WDR64: variants seen among roughly 807,000 people sequenced by gnomAD.
WDR64 encodes the protein WD repeat-containing protein 64.
A neutral mutation model predicts 139.3 loss-of-function variants in WDR64; 112 were observed. The ratio of observed to expected loss-of-function variants is 0.80; its 90% CI spans 0.69 to 0.94. The LOEUF (loss-of-function observed/expected upper bound fraction) is 0.94, where lower values mean the gene tolerates loss of function less well. Among genes scored for constraint, WDR64 ranks in the 40% least tolerant of loss-of-function variants. The probability of loss-of-function intolerance (pLI) is 0.00; values close to 1 mark genes in which losing one functional copy is unlikely to be tolerated. For missense variants in WDR64, 1,206 were observed against 1,293.1 expected, an observed-to-expected ratio of 0.93 and a Z score of 1.03; for synonymous variants, 444 against 437.7, an observed-to-expected ratio of 1.01 and a Z score of -0.18.
At position 241,683,379 on chromosome 1, in the gene WDR64, A is replaced by C. The variant is rs1666886568; in HGVS notation, c.625-108A>C. The C allele has an allele frequency of 4.0e-6, 4 of 1,005,696 alleles. No homozygotes were observed. In the South Asian group the frequency reaches 6.4e-5, roughly 16 times the overall value. The allele number at this position is 1,005,696 out of a possible 1,614,324, so 62.3% of individuals were successfully genotyped here. A position where few individuals can be genotyped will look rare whatever the true frequency, so the allele number is the denominator to read the frequency against. ...TCAAATTATCTTATAAGATAGGTGT[A>C]TCTACAATAAGAAACAGCGGAAAGT... On this transcript the variant is annotated intron_variant, in intron 6 of 27. Coordinates refer to ENST00000437684, the MANE Select transcript of WDR64 (RefSeq NM_001367482.1).
At chr1:241,689,246 G>A (rs1267486045) in intron 8 of WDR64, among the ~76,000 whole-genome samples, 1 of 151,994 alleles carries the variant, frequency 6.6e-6, no homozygotes, top group South Asian at 2.1e-4. Flanking sequence ...ATCATGTCCA[G>A]CTATCAAGAA....
intron 11 of WDR64, among the ~76,000 whole-genome samples, chr1:241,738,817 C>A (rs2148237909): frequency 6.6e-6 from 1 of 152,186 alleles, no homozygotes; most frequent in Non-Finnish European, 1.5e-5. Flanking sequence ...CTGAAAACAC[C>A]AGGTTATTGC....
chr1:241,683,350 T>A (rs939056181), intron 6 of WDR64, 137 bp from the exon 7 acceptor site: 11 of 792,338 alleles, frequency 1.4e-5, no homozygotes, highest in Non-Finnish European at 2.0e-5. Context: ...AACTGGTTTT[T>A]TTCTCAAATT....
At chr1:241,668,695 G>T (rs1275601241) in intron 2 of WDR64, among the ~76,000 whole-genome samples, 1 of 152,050 alleles carries the variant, frequency 6.6e-6, no homozygotes, top group Non-Finnish European at 1.5e-5. Context: ...CAGATCACAG[G>T]GTCAGGAGGT....
rs114153121 is a variant in WDR64, at chr1:241,694,983, A to C, written c.974+7388A>C. ...AAGTGGTAAGATAAAACATACAGAC[A>C]TAAAGTCAGTGGTATGTTGAAGTCA... On this transcript the variant is annotated intron_variant, in intron 8 of 27. Coordinates refer to ENST00000437684, the MANE Select transcript of WDR64 (RefSeq NM_001367482.1). Among the ~76,000 whole-genome samples, 1,197 of 152,324 alleles carry C rather than the reference A, an allele frequency of 7.9e-3. 12 individuals are homozygous for C. The highest frequency in any genetic ancestry group is 0.028 in the African/African-American group (1,148 of 41,560).
At chr1:241,715,051 A>G (rs7418763) in intron 9 of WDR64, among the ~76,000 whole-genome samples, 75,368 of 151,906 alleles carry the variant, frequency 0.5, 19,477 homozygotes, top group Non-Finnish European at 0.57. Context: ...AAATACCAAA[A>G]CATTAATTGT....
chr1:241,706,502 T>A (rs1667959097), intron 8 of WDR64, among the ~76,000 whole-genome samples: 1 of 152,252 alleles, frequency 6.6e-6, no homozygotes, highest in Non-Finnish European at 1.5e-5. Context: ...CAGTTAGAAC[T>A]TAACTACTTC....
rs1204586142 is a variant in WDR64, at chr1:241,751,771, G to A, written c.1770+2049G>A. On this transcript the variant is annotated intron_variant, in intron 14 of 27. Coordinates refer to ENST00000437684, the MANE Select transcript of WDR64 (RefSeq NM_001367482.1). ...ATTCTGGGCATGATTTCCTAGCCACGTAACAAGAGGGCAGACCGTAAATTG... is the reference window on the plus strand; with the variant it reads ...ATTCTGGGCATGATTTCCTAGCCACATAACAAGAGGGCAGACCGTAAATTG... Among the ~76,000 whole-genome samples the A allele has an allele frequency of 3.3e-5, 5 of 152,188 alleles. No individual in the cohort carries two copies. The East Asian group carries it at 7.7e-4, about 23-fold the overall frequency.
At position 241,757,329 on chromosome 1, in the gene WDR64, ATGT is replaced by A. The variant is rs778209198; in HGVS notation, c.1821_1823del (p.Val608del). Reference sequence around the variant, plus strand: ...CTCATGGTGATCTGGGAGCTGCCTGATGTTGTGCCTTTCCTACAAGATGGGAAA... The same window carrying A: ...CTCATGGTGATCTGGGAGCTGCCTGATGTGCCTTTCCTACAAGATGGGAAA... On this transcript the variant is annotated inframe_deletion, in exon 15 of 28. Transcript: ENST00000437684. 64 of 1,613,958 alleles carry A rather than the reference ATGT, an allele frequency of 4.0e-5. No individual in the cohort carries two copies. The Admixed American group carries it at 8.5e-4, about 21-fold the overall frequency.
chr1:241,702,270 G>T (rs920456869), intron 8 of WDR64, among the ~76,000 whole-genome samples: 8 of 151,630 alleles, frequency 5.3e-5, no homozygotes, highest in African/African-American at 1.9e-4. Context: ...TGGTAAGGTT[G>T]CTGTGGAGAC....
At chr1:241,774,857 A>G (rs1202517345) in intron 20 of WDR64, among the ~76,000 whole-genome samples, 2 of 152,214 alleles carry the variant, frequency 1.3e-5, no homozygotes, top group Non-Finnish European at 2.9e-5. Flanking sequence ...GTAGAACAGT[A>G]TATAATACTC....
At position 241,679,352 on chromosome 1, in the gene WDR64, A is replaced by G. The variant is rs1367933119; in HGVS notation, c.514-133A>G. Reference sequence around the variant, plus strand: ...CCTGTATCCCAGACACTCAGACAGGATGTACTGCAAGGCTTCTCTGTAATA... The same window carrying G: ...CCTGTATCCCAGACACTCAGACAGGGTGTACTGCAAGGCTTCTCTGTAATA... On this transcript the variant is annotated intron_variant, in intron 5 of 27. Transcript: ENST00000437684. 1.2e-5 allele frequency: 8 copies of G among 689,282 alleles called. 1 individual carries two copies. Among genetic ancestry groups the G allele is most frequent in the Middle Eastern group, 5.2e-4 (2 of 3,868 alleles). 42.7% of individuals were successfully genotyped at this position (689,282 alleles called of 1,614,324 possible).
intron 10 of WDR64, among the ~76,000 whole-genome samples, chr1:241,735,137 A>G (rs1341842719): frequency 6.6e-6 from 1 of 152,164 alleles, no homozygotes; most frequent in Non-Finnish European, 1.5e-5. Flanking sequence ...GTTTTATATA[A>G]TATTTATAGT....
rs190082261 is a variant in WDR64 at position 241,654,063 on chromosome 1, C to T, written c.145+1434C>T. Among the ~76,000 whole-genome samples, 103 of 152,246 alleles carry T rather than the reference C, an allele frequency of 6.8e-4. 1 individual carries two copies. Among genetic ancestry groups the T allele is most frequent in the Admixed American group, 1.3e-3 (20 of 15,292 alleles). The stretch of plus-strand genomic sequence containing the variant: ...CTGCTTCTCTCAGCCAAGTTTTCTA[C>T]GTCATAAAAGAAAGCAAGGTCAAAA... On this transcript the variant is annotated intron_variant, in intron 1 of 27. Coordinates refer to ENST00000437684, the MANE Select transcript of WDR64 (RefSeq NM_001367482.1).
chr1:241,675,127 C>CCTTCCTCCCT (rs1558466150), intron 4 of WDR64, among the ~76,000 whole-genome samples: 1 of 57,504 alleles, frequency 1.7e-5, no homozygotes, highest in Non-Finnish European at 3.4e-5. Context: ...CTCCCTCCTT[C>CCTTCCTCCCT]CCTCCTTCCC....
intron 13 of WDR64, 133 bp from the exon 14 acceptor site, chr1:241,749,414 C>A: frequency 1.0e-6 from 1 of 983,392 alleles, no homozygotes; most frequent in South Asian, 1.8e-5. Context: ...AAGACTCACC[C>A]ATCTGAGTAG....
chr1:241,777,542 C>G (rs1413189611), intron 21 of WDR64, among the ~76,000 whole-genome samples: 2 of 151,622 alleles, frequency 1.3e-5, no homozygotes, highest in Admixed American at 6.6e-5. Flanking sequence ...CTCAGCCTCC[C>G]AAGTAGCTGG....
intron 7 of WDR64, among the ~76,000 whole-genome samples, chr1:241,684,915 C>T (rs889455161): frequency 7.2e-5 from 11 of 152,044 alleles, no homozygotes; most frequent in African/African-American, 1.9e-4. Context: ...GTGCCACCAA[C>T]GCCAGGCTAA....
rs1238383865 is a variant in WDR64, at chr1:241,703,304, G to T, written c.975-8498G>T. ...GAACAACCCCTATCGTGTAACACAT[G>T]CCCCCTGAAAAAAGTCACCCCTTTA... On this transcript the variant is annotated intron_variant, in intron 8 of 27. Transcript: ENST00000437684. This position sits in a 1 kb window ranked among gnomAD's most constrained non-coding sequence, Gnocchi z 5.9. Among the ~76,000 whole-genome samples, 1 of 151,930 alleles carries T rather than the reference G, an allele frequency of 6.6e-6. No individual in the cohort carries two copies. Among genetic ancestry groups the T allele is most frequent in the Non-Finnish European group, 1.5e-5 (1 of 67,998 alleles).
Sources: gnomAD v4.1 joint callset for allele counts (sites outside exome capture counted in the v4.1 genomes callset) on GRCh38, gnomAD v4.1.1 for gene constraint, Gnocchi (gnomAD v3.1) non-coding constraint, MANE v1.5 for transcripts, NCBI Gene and HGNC (gene_info 2026-07-23, HGNC 2026-07-21) for gene names.